Variants in DHX57 observed in about 807,000 individuals in gnomAD.
The protein encoded by DHX57 is DExH-box helicase 57, also known as putative ATP-dependent RNA helicase DHX57.
DHX57 carries 105 observed loss-of-function variants against 156.2 expected under a neutral mutation model. That is an observed-to-expected ratio of 0.67 (90% confidence interval 0.57 to 0.79). The LOEUF is 0.79. Among genes scored for constraint, DHX57 ranks in the 30% least tolerant of loss-of-function variants. DHX57 has a pLI of 0.00. For missense variants in DHX57, 1,847 were observed against 1,661.9 expected (o/e 1.11, Z -1.94); for synonymous variants, 704 against 595.6 (o/e 1.18, Z -2.65).
At chr2:38,821,549 T>C (rs908158471) in intron 17 of DHX57, among the ~76,000 whole-genome samples, 2 of 151,336 alleles carry the variant, frequency 1.3e-5, no homozygotes, top group Non-Finnish European at 2.9e-5. Context: ...AAAAATTAGC[T>C]GGGCATGGTG....
chr2:38,811,687 C>T, intron 21 of DHX57: 1 of 993,262 alleles, frequency 1.0e-6, no homozygotes, highest in Non-Finnish European at 1.5e-6. Context: ...ATTCCTGGTG[C>T]CTGGAATCTG....
intron 5 of DHX57, 124 bp downstream of exon 5, chr2:38,860,875 G>T: frequency 1.3e-6 from 1 of 798,008 alleles, no homozygotes; most frequent in Non-Finnish European, 2.0e-6. Context: ...TTTTGCCCTT[G>T]GGACTTAATG....
At chr2:38,863,619 T>G in intron 2 of DHX57, 100 bp from the exon 3 acceptor site, 1 of 1,073,938 alleles carries the variant, frequency 9.3e-7, no homozygotes, top group South Asian at 1.8e-5. Context: ...AACTGGATTG[T>G]CAAGTATCTT....
chr2:38,801,508 CAA>C (rs1333688199), intron 23 of DHX57, among the ~76,000 whole-genome samples: 3 of 152,218 alleles, frequency 2.0e-5, no homozygotes, highest in Non-Finnish European at 2.9e-5. Flanking sequence ...CTCCTGGGTT[CAA>C]GTGATTCTCC....
chr2:38,805,087 C>T (rs1000120840), intron 22 of DHX57, among the ~76,000 whole-genome samples: 9 of 152,080 alleles, frequency 5.9e-5, no homozygotes, highest in African/African-American at 1.7e-4. Flanking sequence ...GATACATGAA[C>T]GATTTGGATT....
At chr2:38,875,090 A>G (rs1041384508) in intron 1 of DHX57, among the ~76,000 whole-genome samples, 5 of 152,220 alleles carry the variant, frequency 3.3e-5, no homozygotes, top group African/African-American at 1.2e-4. Flanking sequence ...GATCTGAGAT[A>G]TGCGCTTAAC....
Position 38,860,998 on chromosome 2 carries a change from C to A in DHX57, c.1411+1G>T, listed in dbSNP as rs779593826. On this transcript the variant is annotated splice_donor_variant, in intron 5 of 23. Coordinates refer to ENST00000457308, the MANE Select transcript of DHX57 (RefSeq NM_198963.3). LOFTEE classifies it high-confidence loss of function. ...CTCCACAAGATCAATGCCTTACATACCTTCTGGAATTTGATTAGAAACAAA... is the reference window on the plus strand; with the variant it reads ...CTCCACAAGATCAATGCCTTACATAACTTCTGGAATTTGATTAGAAACAAA... 8 of 1,610,722 alleles carry A rather than the reference C, an allele frequency of 5.0e-6. No homozygotes were observed. The highest frequency in any genetic ancestry group is 6.8e-6 in the Non-Finnish European group (8 of 1,177,726).
intron 2 of DHX57, 140 bp downstream of exon 2, chr2:38,868,042 G>A: frequency 9.4e-7 from 1 of 1,068,116 alleles, no homozygotes; most frequent in Non-Finnish European, 1.3e-6. Flanking sequence ...TTCCCATCAT[G>A]TCTTCAGAAA....
intron 14 of DHX57, among the ~76,000 whole-genome samples, chr2:38,827,505 A>AAAAAAAT (rs1553326974): frequency 1.8e-3 from 18 of 10,130 alleles, no homozygotes; most frequent in African/African-American, 2.4e-3. Context: ...AAAAAAAAAA[A>AAAAAAAT]ATATATATAT....
chr2:38,829,394 G>A (rs1281119683), intron 13 of DHX57, among the ~76,000 whole-genome samples: 5 of 150,800 alleles, frequency 3.3e-5, no homozygotes, highest in African/African-American at 7.3e-5. Flanking sequence ...TGATTCTCCC[G>A]CCTCATCCTC....
At position 38,813,875 on chromosome 2, in the gene DHX57, G is replaced by T. The variant is rs770310943; in HGVS notation, c.3627C>A (p.Asn1209Lys). 6.2e-7 allele frequency: 1 copy of T among 1,613,314 alleles called. No individual in the cohort carries two copies. The highest frequency in any genetic ancestry group is 1.3e-5 in the African/African-American group (1 of 74,894). ...ACAGCATTGCTGATATCAGCTTGGG[G>T]TTCTCAGCATTTGAGTTTGCCTATG... ...TGEEANSNAENPKLISAMLCA... is the reference protein window; with the variant it reads ...TGEEANSNAEKPKLISAMLCA... Residue 1209 changes from asparagine (N) to lysine (K), a missense_variant, in exon 21 of 24, where the codon AAC (asparagine) becomes AAA (lysine). By Grantham distance (94) the Asn-to-Lys change is moderately conservative (BLOSUM62 0). Transcript: ENST00000457308.
chr2:38,823,331 T>A, intron 16 of DHX57, 62 bp from the exon 17 acceptor site: 2 of 1,468,148 alleles, frequency 1.4e-6, no homozygotes, highest in Non-Finnish European at 1.8e-6. Flanking sequence ...CACAGAGGAA[T>A]AATTTCTTTT....
At position 38,839,614 on chromosome 2, in the gene DHX57, G is replaced by C. The variant is rs7598403; in HGVS notation, c.2426-1667C>G. ...TGGGTGCCTGTAATCCCAGCTACTTGGGAGGCTGAGGCAGGAGATTCGCTT... is the reference window on the plus strand; with the variant it reads ...TGGGTGCCTGTAATCCCAGCTACTTCGGAGGCTGAGGCAGGAGATTCGCTT... On this transcript the variant is annotated intron_variant, in intron 12 of 23. Coordinates refer to ENST00000457308, the MANE Select transcript of DHX57 (RefSeq NM_198963.3). Among the ~76,000 whole-genome samples the C allele has an allele frequency of 6.7e-3, 1,018 of 151,882 alleles. 14 individuals are homozygous for C. Among genetic ancestry groups the C allele is most frequent in the African/African-American group, 0.023 (954 of 41,406 alleles).
intron 12 of DHX57, among the ~76,000 whole-genome samples, chr2:38,841,319 G>C (rs1671981987): frequency 6.6e-6 from 1 of 152,270 alleles, no homozygotes; most frequent in Non-Finnish European, 1.5e-5. Context: ...TATAGATAAG[G>C]AAACTGAGGC....
At chr2:38,825,742 A>AT in intron 16 of DHX57, 105 bp downstream of exon 16, 1 of 1,170,480 alleles carries the variant, frequency 8.5e-7, no homozygotes, top group South Asian at 1.4e-5. Flanking sequence ...ATTGGTGGTC[A>AT]TTCTTAGCCA....
intron 1 of DHX57, among the ~76,000 whole-genome samples, chr2:38,872,823 C>A (rs1262533311): frequency 3.9e-5 from 6 of 152,076 alleles, no homozygotes; most frequent in South Asian, 4.1e-4. Flanking sequence ...AACAACTAGA[C>A]AGAGGATCAA....
rs569733072 is a variant in DHX57 at position 38,850,261 on chromosome 2, C to A, written c.2031-1859G>T. ...AGTGGTTTGGGAGTAGTAAGAGGGA[C>A]TTTCACTTTATCTATAACGTTTTTC... On this transcript the variant is annotated intron_variant, in intron 9 of 23. Transcript: ENST00000457308. Among the ~76,000 whole-genome samples, 3 of 152,172 alleles carry A rather than the reference C, an allele frequency of 2.0e-5. No individual in the cohort carries two copies. In the East Asian group the frequency reaches 5.8e-4, roughly 29 times the overall value.
intron 4 of DHX57, 65 bp downstream of exon 4, chr2:38,862,080 G>A (rs1482718171): frequency 1.3e-6 from 2 of 1,498,960 alleles, no homozygotes; most frequent in East Asian, 4.6e-5. Context: ...GAGGGGTAGT[G>A]GGTTTATATG....
At chr2:38,844,742 G>T (rs898907754) in intron 11 of DHX57, among the ~76,000 whole-genome samples, 1 of 151,416 alleles carries the variant, frequency 6.6e-6, no homozygotes, top group African/African-American at 2.5e-5. Flanking sequence ...TTCAAGTTGG[G>T]TGTTAAAGAA....
Sources: gnomAD v4.1 joint callset for allele counts (sites outside exome capture counted in the v4.1 genomes callset) on GRCh38, gnomAD v4.1.1 for gene constraint, MANE v1.5 for transcripts, NCBI Gene and HGNC (gene_info 2026-07-23, HGNC 2026-07-21) for gene names.